EEF2K: variants seen among roughly 807,000 people sequenced by gnomAD.
EEF2K encodes alternative protein EEF2K.
A neutral mutation model predicts 93.8 loss-of-function variants in EEF2K; 70 were observed. That is an observed-to-expected ratio of 0.75 (90% CI 0.62 to 0.91). The LOEUF is 0.91. Ranked by LOEUF, EEF2K falls within the 40% of genes least tolerant of loss-of-function variation. The pLI is 0.00. For missense variants in EEF2K, 935 were observed against 972.9 expected (o/e 0.96, Z 0.52); for synonymous variants, 376 against 380.8 (o/e 0.99, Z 0.15).
Position 22,287,017 on chromosome 16 carries a change from G to A in EEF2K, c.*3021G>A, listed in dbSNP as rs560152556. The A allele has an allele frequency of 6.6e-6, 1 of 152,378 alleles. No homozygotes were observed. Among genetic ancestry groups the A allele is most frequent in the South Asian group, 2.1e-4 (1 of 4,828 alleles). The allele number at this position is 152,378 out of a possible 1,614,324, so 9.4% of individuals were successfully genotyped here. The stretch of plus-strand genomic sequence containing the variant: ...AATGCTTCTTTAAGGGCCCTTAAAA[G>A]TGAAAAGTAACTTGCAAGAGGTTGA... On this transcript the variant is annotated 3_prime_UTR_variant, in exon 18 of 18. Transcript: ENST00000263026.
chr16:22,271,545 A>C (rs1000203514), intron 15 of EEF2K, among the ~76,000 whole-genome samples: 1 of 151,680 alleles, frequency 6.6e-6, no homozygotes. Flanking sequence ...ACCCCCAAAA[A>C]AACAAATTAG....
intron 6 of EEF2K, among the ~76,000 whole-genome samples, chr16:22,253,267 A>T (rs2047368424): frequency 6.6e-6 from 1 of 152,168 alleles, no homozygotes; most frequent in East Asian, 1.9e-4. Context: ...CACAGCTGAG[A>T]TCTTCCACAG....
At position 22,255,001 on chromosome 16, in the gene EEF2K, G is replaced by T. The variant is rs371809608; in HGVS notation, c.619-1747G>T. On this transcript the variant is annotated intron_variant, in intron 6 of 17. Transcript: ENST00000263026. ...CAGAGGAATTGCTTGAACCTGGGAG[G>T]CAGAGGTTGCAGTGAGCCAAGATCG... Among the ~76,000 whole-genome samples the T allele has an allele frequency of 4.6e-5, 7 of 152,172 alleles. No homozygotes were observed. In the East Asian group the frequency reaches 1.3e-3, roughly 29 times the overall value.
intron 2 of EEF2K, among the ~76,000 whole-genome samples, chr16:22,231,371 C>T (rs1194438984): frequency 6.6e-6 from 1 of 151,238 alleles, no homozygotes; most frequent in Non-Finnish European, 1.5e-5. Context: ...CCACCTCGAC[C>T]TCCCAAAGTG....
At chr16:22,263,802 T>C (rs1290509110) in intron 12 of EEF2K, among the ~76,000 whole-genome samples, 1 of 152,106 alleles carries the variant, frequency 6.6e-6, no homozygotes, top group Non-Finnish European at 1.5e-5. Context: ...GACCCACTCA[T>C]AGGCAGGATC....
At chr16:22,281,154 T>G (rs957130177) in intron 17 of EEF2K, among the ~76,000 whole-genome samples, 1 of 152,110 alleles carries the variant, frequency 6.6e-6, no homozygotes, top group African/African-American at 2.4e-5. Flanking sequence ...CTTGAACTCC[T>G]GACCTCAGGT....
chr16:22,210,220 TG>T (rs1449703311), intron 1 of EEF2K, among the ~76,000 whole-genome samples: 1 of 152,148 alleles, frequency 6.6e-6, no homozygotes, highest in African/African-American at 2.4e-5. Flanking sequence ...GCGTCTCAAA[TG>T]GCTCCAGAGT....
rs762442910 is a variant in EEF2K, at chr16:22,283,974, C to T, written c.2156C>T (p.Ala719Val). Reference protein sequence around the residue: ...ANQYYQKAEEAWAQMEE With the variant: ...ANQYYQKAEEVWAQMEE Reference sequence around the variant, plus strand: ...CAGTACTACCAAAAGGCTGAAGAGGCCTGGGCCCAGATGGAGGAGTAACCA... The same window carrying T: ...CAGTACTACCAAAAGGCTGAAGAGGTCTGGGCCCAGATGGAGGAGTAACCA... Residue 719 changes from alanine to valine, a missense_variant, in exon 18 of 18, where the codon GCC becomes GTC. Coordinates refer to ENST00000263026, the MANE Select transcript of EEF2K (RefSeq NM_013302.5). 3.2e-6 allele frequency: 5 copies of T among 1,584,854 alleles called. No homozygotes were observed. The highest frequency in any genetic ancestry group is 4.3e-6 in the Non-Finnish European group (5 of 1,165,392).
intron 1 of EEF2K, among the ~76,000 whole-genome samples, chr16:22,217,534 C>T (rs2046970585): frequency 1.3e-5 from 2 of 152,132 alleles, no homozygotes; most frequent in South Asian, 4.1e-4. Context: ...AACTCTGCTT[C>T]CCAGGTTCAA....
chr16:22,256,119 G>A (rs62044773), intron 6 of EEF2K, among the ~76,000 whole-genome samples: 15,407 of 151,176 alleles, frequency 0.1, 831 homozygotes, highest in South Asian at 0.13. Context: ...TTTTTGAGAC[G>A]GAGTTTTGCT....
At chr16:22,239,363 T>G (rs1185924441) in intron 2 of EEF2K, among the ~76,000 whole-genome samples, 1 of 152,144 alleles carries the variant, frequency 6.6e-6, no homozygotes, top group Non-Finnish European at 1.5e-5. Flanking sequence ...GAGAATTGTG[T>G]GTCGTAGACA....
At chr16:22,263,491 C>T (rs1233465704) in intron 12 of EEF2K, among the ~76,000 whole-genome samples, 1 of 152,272 alleles carries the variant, frequency 6.6e-6, no homozygotes, top group East Asian at 1.9e-4. Flanking sequence ...TGCCTGTAAT[C>T]CCAGCTACTG....
intron 3 of EEF2K, among the ~76,000 whole-genome samples, chr16:22,246,574 G>C (rs2047294173): frequency 6.9e-6 from 1 of 144,838 alleles, no homozygotes; most frequent in African/African-American, 2.5e-5. Flanking sequence ...GACTTTCAGA[G>C]TTGCATGCCA....
chr16:22,244,663 C>T lies in EEF2K; in HGVS notation c.280C>T (p.His94Tyr), dbSNP rs2047266830. 1 of 1,613,950 alleles carries T rather than the reference C, an allele frequency of 6.2e-7. No individual in the cohort carries two copies. Among genetic ancestry groups the T allele is most frequent in the Non-Finnish European group, 8.5e-7 (1 of 1,179,984 alleles). ...AWKHAIQKAK[H>Y]MPDPWAEFHL... ...GAAGCACGCAATCCAGAAGGCCAAG[C>T]ACATGCCCGACCCCTGGGCTGAGTT... Residue 94 changes from histidine to tyrosine, a missense_variant, in exon 3 of 18, where the codon CAC becomes TAC. By Grantham distance (83) the His-to-Tyr change is moderately conservative (BLOSUM62 2). Coordinates refer to ENST00000263026, the MANE Select transcript of EEF2K (RefSeq NM_013302.5).
chr16:22,238,149 G>T (rs1013410623), intron 2 of EEF2K, among the ~76,000 whole-genome samples: 1 of 152,070 alleles, frequency 6.6e-6, no homozygotes, highest in African/African-American at 2.4e-5. Context: ...AATTAGCCGG[G>T]TGTGGTGGCA....
At chr16:22,220,378 C>T (rs77274696) in intron 1 of EEF2K, among the ~76,000 whole-genome samples, 432 of 152,014 alleles carry the variant, frequency 2.8e-3, no homozygotes, top group Admixed American at 4.4e-3. Flanking sequence ...GAGTCGGCTC[C>T]GTGAATTAAT....
Position 22,257,305 on chromosome 16 carries a change from A to C in EEF2K, c.821A>C (p.Asp274Ala). 6.2e-7 allele frequency: 1 copy of C among 1,614,090 alleles called. No homozygotes were observed. The highest frequency in any genetic ancestry group is 8.5e-7 in the Non-Finnish European group (1 of 1,180,012). ...ERSGHQLIVV[D>A]IQGVGDLYTD... ...TCCGGCCATCAGCTGATAGTGGTGG[A>C]CATCCAGGGAGTTGGGGATCTCTAC... is the stretch of plus-strand genomic sequence containing the variant. Residue 274 changes from aspartate to alanine, a missense_variant, in exon 8 of 18, where the codon GAC becomes GCC. Transcript: ENST00000263026.
At chr16:22,214,664 G>GCAA (rs377721958) in intron 1 of EEF2K, among the ~76,000 whole-genome samples, 2,483 of 151,764 alleles carry the variant, frequency 0.016, 72 homozygotes, top group African/African-American at 0.057. Context: ...GACTCTCTCA[G>GCAA]CAACAACAAC....
chr16:22,222,702 T>TAA (rs1161314400), intron 1 of EEF2K, among the ~76,000 whole-genome samples: 4 of 96,550 alleles, frequency 4.1e-5, no homozygotes, highest in Non-Finnish European at 6.5e-5. Context: ...ACCCCGTCCC[T>TAA]AAAAAAAAAA....
Sources: gnomAD v4.1 joint callset for allele counts (sites outside exome capture counted in the v4.1 genomes callset) on GRCh38, gnomAD v4.1.1 for gene constraint, MANE v1.5 for transcripts, NCBI Gene and HGNC (gene_info 2026-07-23, HGNC 2026-07-21) for gene names.